The following NFATC4 variants were observed in gnomAD, a reference collection of about 807,000 sequenced individuals.
NFATC4 encodes the protein nuclear factor of activated T cells 4.
NFATC4 carries 25 observed loss-of-function variants against 73.4 expected under a neutral mutation model. That is an observed-to-expected ratio of 0.34 (90% CI 0.25 to 0.48). NFATC4 has a LOEUF of 0.48. NFATC4 is among the 20% of genes least tolerant of loss of function. NFATC4 has a pLI of 0.99. For synonymous variants in NFATC4, 523 were observed against 510.3 expected (o/e 1.02, Z -0.34); for missense variants, 1,130 against 1,203.7 (o/e 0.94, Z 0.91).
intron 1 of NFATC4, chr14:24,369,009 T>G: frequency 8.5e-7 from 1 of 1,182,298 alleles, no homozygotes; most frequent in South Asian, 2.0e-5. Context: ...CCTCCGCCCC[T>G]AGATGGCGAG....
chr14:24,376,301 C>A lies in NFATC4; in HGVS notation c.2064C>A (p.Cys688Ter). ...TQSFRFLPVI[C>*]KEEPLPDSSL... ...CACTTCCTGTCTTCCCAGTGATCTG[C>A]AAAGAGGAGCCCCTACCGGACTCAT... is the stretch of plus-strand genomic sequence containing the variant. The change falls in exon 9 of 10, where the codon TGC (cysteine) becomes TGA (stop). Residue 688 changes from cysteine to a stop codon, truncating the protein, a stop_gained. Transcript: ENST00000250373. LOFTEE classifies it high-confidence loss of function. This position sits in a 1 kb window ranked among gnomAD's most constrained non-coding sequence, Gnocchi z 5.0. 1 of 1,571,206 alleles carries A rather than the reference C, an allele frequency of 6.4e-7. No homozygotes were observed. The highest frequency in any genetic ancestry group is 1.2e-5 in the South Asian group (1 of 83,412).
At chr14:24,367,021 A>G (rs771739301), upstream of NFATC4, 2 of 1,612,908 alleles carry the variant, frequency 1.2e-6, no homozygotes, top group Non-Finnish European at 1.7e-6. Context: ...CGCGGCCTCT[A>G]AGAGAGGTTG....
Position 24,370,598 on chromosome 14 carries a change from A to T in NFATC4, c.1196+4A>T. ...GGGGACACAGCCCTATCTTCAGGTG[A>T]GGGTTGCGCCTGGCACTACCGCTCT... On this transcript the variant is annotated splice_donor_region_variant and intron_variant, in intron 2 of 9. Transcript: ENST00000250373. 3.7e-6 allele frequency: 6 copies of T among 1,601,362 alleles called. No individual in the cohort carries two copies. The highest frequency in any genetic ancestry group is 5.1e-6 in the Non-Finnish European group (6 of 1,170,278).
upstream of NFATC4, chr14:24,367,270 G>A (rs2042333272): frequency 1.9e-6 from 3 of 1,594,434 alleles, no homozygotes; most frequent in African/African-American, 1.3e-5. Context: ...GAAGAGGAGG[G>A]GAACCCACAG....
intron 1 of NFATC4, chr14:24,369,224 C>A: frequency 6.5e-7 from 1 of 1,533,794 alleles, no homozygotes; most frequent in South Asian, 1.2e-5. Context: ...CAGCTCCAGC[C>A]CCTCTGGACC....
chr14:24,368,945 C>T, intron 1 of NFATC4: 1 of 757,918 alleles, frequency 1.3e-6, no homozygotes, highest in Non-Finnish European at 1.7e-6. Context: ...TCCGCGCTGC[C>T]CGCTGCCCCC....
intron 6 of NFATC4, 173 bp downstream of exon 6, chr14:24,374,639 T>A: frequency 1.7e-6 from 1 of 587,982 alleles, no homozygotes; most frequent in Non-Finnish European, 2.9e-6. Flanking sequence ...GTGGGATGGG[T>A]ATGACAGCAA....
intron 2 of NFATC4, among the ~76,000 whole-genome samples, chr14:24,371,488 A>G (rs1365895676): frequency 6.6e-6 from 1 of 152,208 alleles, no homozygotes; most frequent in Non-Finnish European, 1.5e-5. Flanking sequence ...CTGGGCAATT[A>G]CTTGGGGGGC....
chr14:24,367,264 A>T (rs771371924), upstream of NFATC4: 20 of 1,602,106 alleles, frequency 1.2e-5, no homozygotes, highest in South Asian at 2.2e-4. Flanking sequence ...GAGGGGGAAG[A>T]GGAGGGGAAC....
rs1180431223 is a variant in NFATC4, at chr14:24,368,315, G to A, written c.-26G>A. The A allele has an allele frequency of 1.1e-5, 15 of 1,386,710 alleles. No individual in the cohort carries two copies. Among genetic ancestry groups the A allele is most frequent in the South Asian group, 1.8e-5 (1 of 56,064 alleles). The allele number at this position is 1,386,710 out of a possible 1,614,324, so 85.9% of individuals were successfully genotyped here. A position where few individuals can be genotyped will look rare whatever the true frequency, so the allele number is the denominator to read the frequency against. Reference sequence around the variant, plus strand: ...TGAACTCCCCCCTCCCACCCAGGCCGGGACCTGGGGGCTCCTGCCGGATCC... The same window carrying A: ...TGAACTCCCCCCTCCCACCCAGGCCAGGACCTGGGGGCTCCTGCCGGATCC... On this transcript the variant is annotated 5_prime_UTR_variant, in exon 1 of 10. Transcript: ENST00000250373.
chr14:24,377,702 C>A lies in NFATC4; in HGVS notation c.2706C>A (p.Ala902=). Residue 902 remains alanine, a synonymous_variant, in exon 10 of 10, where the codon GCC becomes GCA. Coordinates refer to ENST00000250373, the MANE Select transcript of NFATC4 (RefSeq NM_004554.5). This position sits in a 1 kb window ranked among gnomAD's most constrained non-coding sequence, Gnocchi z 4.2. ...CACCTCCTGGAGAAGAGCCTCCTGC[C>A]TGAACCACGTGAACTGTCATCACCT... ...FPAPPGEEPP[A] 6.2e-7 allele frequency: 1 copy of A among 1,614,212 alleles called. No homozygotes were observed. Among genetic ancestry groups the A allele is most frequent in the Non-Finnish European group, 8.5e-7 (1 of 1,180,040 alleles).
At chr14:24,371,658 G>A (rs1001643096) in intron 2 of NFATC4, 1 of 152,618 alleles carries the variant, frequency 6.6e-6, no homozygotes, top group African/African-American at 2.4e-5. Context: ...TCCTAGGTCT[G>A]TCAGTAGCTG....
At position 24,377,501 on chromosome 14, in the gene NFATC4, A is replaced by C. The variant is rs2042656467; in HGVS notation, c.2642-137A>C. ...AGACGTGTTGGGGAAACTGAGGCCCAGTGGAATAGAAGCCAGTAGAGGAGG... is the reference window on the plus strand; with the variant it reads ...AGACGTGTTGGGGAAACTGAGGCCCCGTGGAATAGAAGCCAGTAGAGGAGG... On this transcript the variant is annotated intron_variant, in intron 9 of 9. Coordinates refer to ENST00000250373, the MANE Select transcript of NFATC4 (RefSeq NM_004554.5). The surrounding 1 kb of genome is among the most constrained non-coding windows in gnomAD (Gnocchi z 4.2). 4.1e-6 allele frequency: 6 copies of C among 1,480,362 alleles called. No homozygotes were observed. Among genetic ancestry groups the C allele is most frequent in the African/African-American group, 1.4e-5 (1 of 70,834 alleles). 91.7% of individuals were successfully genotyped at this position (1,480,362 alleles called of 1,614,324 possible).
chr14:24,368,656 T>G (rs2042373085), intron 1 of NFATC4, among the ~76,000 whole-genome samples: 1 of 145,746 alleles, frequency 6.9e-6, no homozygotes, highest in Admixed American at 6.8e-5. Context: ...GTGGGGGTGC[T>G]GTTGGCTGTG....
chr14:24,377,741 CCAGCCT>C lies in NFATC4; in HGVS notation c.*42_*47del, dbSNP rs781462128. 6.2e-7 allele frequency: 1 copy of C among 1,614,140 alleles called. No individual in the cohort carries two copies. The highest frequency in any genetic ancestry group is 8.5e-7 in the Non-Finnish European group (1 of 1,179,990). On this transcript the variant is annotated 3_prime_UTR_variant, in exon 10 of 10. Transcript: ENST00000250373. The surrounding 1 kb of genome is among the most constrained non-coding windows in gnomAD (Gnocchi z 4.2). ...CTGTCATCACCTGGCAACCCCAGCC[CCAGCCT>C]CAGCCCTGCCCCCTTTCCCTCCTTC... is the stretch of plus-strand genomic sequence containing the variant.
chr14:24,376,724 G>C lies in NFATC4; in HGVS notation c.2487G>C (p.Gln829His). The C allele has an allele frequency of 3.1e-6, 5 of 1,613,960 alleles. No individual in the cohort carries two copies. The highest frequency in any genetic ancestry group is 4.2e-6 in the Non-Finnish European group (5 of 1,179,990). ...SPPLEGPFPS[Q>H]SDVHPLPAEG... is the part of the protein sequence containing the mutation. Reference sequence around the variant, plus strand: ...CGCTTGAAGGCCCCTTCCCTTCCCAGAGTGATGTGCATCCCCTACCTGCTG... The same window carrying C: ...CGCTTGAAGGCCCCTTCCCTTCCCACAGTGATGTGCATCCCCTACCTGCTG... The change falls in exon 9 of 10, where the codon CAG (glutamine) becomes CAC (histidine). Residue 829 changes from glutamine (Q) to histidine (H), a missense_variant. Coordinates refer to ENST00000250373, the MANE Select transcript of NFATC4 (RefSeq NM_004554.5). This position sits in a 1 kb window ranked among gnomAD's most constrained non-coding sequence, Gnocchi z 5.0.
chr14:24,375,753 G>C, intron 7 of NFATC4, 38 bp downstream of exon 7: 1 of 1,355,200 alleles, frequency 7.4e-7, no homozygotes, highest in Non-Finnish European at 1.0e-6. Flanking sequence ...GGGGGCGGGG[G>C]TGGGAGAAGG....
Position 24,373,745 on chromosome 14 carries a change from G to T in NFATC4, c.1610G>T (p.Arg537Leu). 3.7e-6 allele frequency: 6 copies of T among 1,613,770 alleles called. No individual in the cohort carries two copies. Among genetic ancestry groups the T allele is most frequent in the Non-Finnish European group, 5.1e-6 (6 of 1,179,696 alleles). ...LKLRNSDIEL[R>L]KGETDIGRKN... ...CTTCGGAATTCAGACATTGAGCTTC[G>T]GAAGGGTGAGACGGACATCGGGCGC... Residue 537 changes from arginine to leucine, a missense_variant, in exon 5 of 10, where the codon CGG (arginine) becomes CTG (leucine). Arg to Leu is a moderately radical substitution (Grantham distance 102). Coordinates refer to ENST00000250373, the MANE Select transcript of NFATC4 (RefSeq NM_004554.5). The surrounding 1 kb of genome is among the most constrained non-coding windows in gnomAD (Gnocchi z 4.7).
In NFATC4 at chr14:24,377,114, C is replaced by T. The variant is rs190628432; in HGVS notation, c.2641+236C>T. 8 of 1,307,908 alleles carry T rather than the reference C, an allele frequency of 6.1e-6. No individual in the cohort carries two copies. The highest frequency in any genetic ancestry group is 6.8e-6 in the Non-Finnish European group (7 of 1,033,840). The allele number at this position is 1,307,908 out of a possible 1,614,324, so 81.0% of individuals were successfully genotyped here. Reference sequence around the variant, plus strand: ...CCTTTCTCCTGTCTCTGCCTCTGTCCTCTGCTCCAAATCATAAAATCTCAG... The same window carrying T: ...CCTTTCTCCTGTCTCTGCCTCTGTCTTCTGCTCCAAATCATAAAATCTCAG... On this transcript the variant is annotated intron_variant, in intron 9 of 9. Transcript: ENST00000250373. The surrounding 1 kb of genome is among the most constrained non-coding windows in gnomAD (Gnocchi z 4.2).
Sources: allele counts gnomAD v4.1 joint callset (sites outside exome capture counted in the v4.1 genomes callset), GRCh38; gene constraint gnomAD v4.1.1; non-coding constraint Gnocchi (gnomAD v3.1); transcripts MANE v1.5; gene names NCBI Gene and HGNC (gene_info 2026-07-23, HGNC 2026-07-21).